TMEM272: variants seen among roughly 807,000 people sequenced by gnomAD.
The protein encoded by TMEM272 is transmembrane protein 272.
TMEM272 carries 8 observed loss-of-function variants against 3.7 expected under a neutral mutation model. The ratio of observed to expected loss-of-function variants is 2.17; its 90% CI spans 1.27 to 3.91. TMEM272 has a LOEUF of 3.91. Ranked by LOEUF, TMEM272 falls within the 30% of genes most tolerant of loss-of-function variation. The pLI is 0.00. For synonymous variants in TMEM272, 63 were observed against 39.8 expected, an observed-to-expected ratio of 1.58 and a Z score of -2.20; for missense variants, 166 against 91.5, an observed-to-expected ratio of 1.81 and a Z score of -3.32.
the TMEM272 span, among the ~76,000 whole-genome samples, chr13:51,898,115 G>C: frequency 2.6e-5 from 4 of 151,952 alleles, no homozygotes; most frequent in African/African-American, 9.6e-5. Context: ...CCCAGTTACT[G>C]GCTGAGGCAG....
the TMEM272 span, chr13:51,921,281 T>A: frequency 6.6e-6 from 1 of 152,164 alleles, no homozygotes; most frequent in Non-Finnish European, 1.5e-5. Context: ...TGCCTCTCAA[T>A]CCATAAACCT....
the TMEM272 span, among the ~76,000 whole-genome samples, chr13:51,899,027 C>T: frequency 6.6e-5 from 10 of 152,204 alleles, no homozygotes; most frequent in Non-Finnish European, 1.2e-4. Flanking sequence ...CTTACTCCCA[C>T]AGCTCTTACT....
chr13:51,833,059 G>C (rs998380037), intron 2 of TMEM272, among the ~76,000 whole-genome samples: 4 of 152,174 alleles, frequency 2.6e-5, no homozygotes, highest in African/African-American at 9.7e-5. Flanking sequence ...ATTGGTACTG[G>C]GTGTTGATGG....
the TMEM272 span, among the ~76,000 whole-genome samples, chr13:51,863,186 C>T: frequency 1.3e-5 from 2 of 152,190 alleles, no homozygotes; most frequent in Non-Finnish European, 1.5e-5. Context: ...GAATAGAGCC[C>T]GTTAATACTG....
the TMEM272 span, chr13:51,865,742 T>C: frequency 6.2e-7 from 1 of 1,614,122 alleles, no homozygotes; most frequent in Admixed American, 1.7e-5. Context: ...GAAAACTTTC[T>C]GGAAAAAGTA....
At chr13:51,839,157 C>A (rs895055873) in intron 1 of TMEM272, among the ~76,000 whole-genome samples, 3 of 152,136 alleles carry the variant, frequency 2.0e-5, no homozygotes, top group Admixed American at 2.0e-4. Flanking sequence ...ACCCGAGCGG[C>A]CTGGAGCACC....
At chr13:51,897,180 C>A in the TMEM272 span, among the ~76,000 whole-genome samples, 4 of 152,216 alleles carry the variant, frequency 2.6e-5, no homozygotes, top group Non-Finnish European at 5.9e-5. Context: ...GAAAGGACTG[C>A]AGGTAAACCT....
chr13:51,868,250 G>A, the TMEM272 span, among the ~76,000 whole-genome samples: 1 of 152,216 alleles, frequency 6.6e-6, no homozygotes, highest in Non-Finnish European at 1.5e-5. Context: ...TCCAGTGCGG[G>A]AGAGTCACAC....
chr13:51,927,401 G>A, the TMEM272 span, among the ~76,000 whole-genome samples: 1 of 152,104 alleles, frequency 6.6e-6, no homozygotes, highest in Non-Finnish European at 1.5e-5. Context: ...AAACAGCAGA[G>A]CAAGATTGTT....
At chr13:51,842,650 T>C (rs1279506536) in intron 1 of TMEM272, among the ~76,000 whole-genome samples, 1 of 152,206 alleles carries the variant, frequency 6.6e-6, no homozygotes, top group Non-Finnish European at 1.5e-5. Context: ...TATGCATATA[T>C]ACATATGCAT....
the TMEM272 span, among the ~76,000 whole-genome samples, chr13:51,918,420 G>C: frequency 6.6e-6 from 1 of 151,952 alleles, no homozygotes; most frequent in African/African-American, 2.4e-5. Flanking sequence ...ATGGCATCCG[G>C]GATTTACTTT....
intron 3 of TMEM272, among the ~76,000 whole-genome samples, chr13:51,825,173 T>G (rs1195266359): frequency 6.6e-6 from 1 of 152,234 alleles, no homozygotes; most frequent in Non-Finnish European, 1.5e-5. Context: ...CCTGCTGAAG[T>G]GATTGAATTG....
chr13:51,865,928 C>G, the TMEM272 span: 4 of 1,613,874 alleles, frequency 2.5e-6, no homozygotes, highest in South Asian at 1.1e-5. Flanking sequence ...TAAAACGTCC[C>G]TCTGGGAGGA....
the TMEM272 span, among the ~76,000 whole-genome samples, chr13:51,889,590 C>T: frequency 3.9e-5 from 6 of 152,086 alleles, no homozygotes. Context: ...AAATAACTTC[C>T]TGTTGTTTGA....
chr13:51,904,596 C>A, the TMEM272 span, among the ~76,000 whole-genome samples: 2 of 152,082 alleles, frequency 1.3e-5, no homozygotes, highest in Non-Finnish European at 2.9e-5. Context: ...GGTCCGTTTT[C>A]AAGATATTGT....
chr13:51,866,015 G>A, the TMEM272 span: 19 of 1,610,922 alleles, frequency 1.2e-5, no homozygotes, highest in South Asian at 6.6e-5. Flanking sequence ...GCAGATGCTC[G>A]AAGATGGGCC....
At chr13:51,854,313 C>A in the TMEM272 span, among the ~76,000 whole-genome samples, 1 of 152,172 alleles carries the variant, frequency 6.6e-6, no homozygotes, top group African/African-American at 2.4e-5. Context: ...TGTAAGAATA[C>A]TTCCCCAACC....
intron 4 of TMEM272, among the ~76,000 whole-genome samples, chr13:51,820,057 AAC>A (rs937037958): frequency 3.9e-4 from 60 of 152,296 alleles, no homozygotes; most frequent in African/African-American, 1.4e-3. Context: ...AACTCACCCA[AAC>A]ACACACATGT....
chr13:51,861,382 TATGAG>T, the TMEM272 span, among the ~76,000 whole-genome samples: 1 of 152,146 alleles, frequency 6.6e-6, no homozygotes, highest in Non-Finnish European at 1.5e-5. Flanking sequence ...AGGGTAACTA[TATGAG>T]ATGATGGATA....
Sources: gnomAD v4.1 joint callset for allele counts (sites outside exome capture counted in the v4.1 genomes callset) on GRCh38, gnomAD v4.1.1 for gene constraint, MANE v1.5 for transcripts, NCBI Gene and HGNC (gene_info 2026-07-23, HGNC 2026-07-21) for gene names.